The following ARHGAP5 variants were observed in gnomAD, a reference collection of about 807,000 sequenced individuals.
The protein encoded by ARHGAP5 is Rho GTPase activating protein 5, also known as rho GTPase-activating protein 5.
ARHGAP5 carries 23 observed loss-of-function variants against 116.6 expected under a neutral mutation model. The observed-to-expected ratio is 0.20, with a 90% CI of 0.14 to 0.28. ARHGAP5 has a LOEUF of 0.28. Ranked by LOEUF, ARHGAP5 falls within the 10% of genes least tolerant of loss-of-function variation. The pLI, the probability that ARHGAP5 is intolerant of heterozygous loss-of-function variation, is 1.00. For missense variants in ARHGAP5, 1,405 were observed against 1,774.8 expected (o/e 0.79, Z 3.74); for synonymous variants, 574 against 602.0 (o/e 0.95, Z 0.68).
chr14:32,145,613 T>G (rs1012119018), intron 3 of ARHGAP5, among the ~76,000 whole-genome samples: 3 of 152,166 alleles, frequency 2.0e-5, no homozygotes, highest in African/African-American at 7.2e-5. Flanking sequence ...CTTACTGTCA[T>G]GTCGTTCTTC....
chr14:32,082,459 C>G (rs2041786707), intron 1 of ARHGAP5, among the ~76,000 whole-genome samples: 1 of 152,214 alleles, frequency 6.6e-6, no homozygotes, highest in African/African-American at 2.4e-5. Flanking sequence ...TTAAGAAACA[C>G]TGGCTTAATG....
At chr14:32,150,676 C>T (rs1881599778) in intron 5 of ARHGAP5, among the ~76,000 whole-genome samples, 1 of 152,156 alleles carries the variant, frequency 6.6e-6, no homozygotes, top group Non-Finnish European at 1.5e-5. Context: ...GGACAAAACC[C>T]TCATGATATA....
intron 2 of ARHGAP5, among the ~76,000 whole-genome samples, chr14:32,108,215 A>T (rs1879107217): frequency 6.6e-6 from 1 of 152,200 alleles, no homozygotes; most frequent in South Asian, 2.1e-4. Flanking sequence ...TGTAGATGAC[A>T]TTCAAGAAGT....
At chr14:32,109,462 G>T (rs1252286647) in intron 2 of ARHGAP5, among the ~76,000 whole-genome samples, 1 of 151,710 alleles carries the variant, frequency 6.6e-6, no homozygotes, top group Non-Finnish European at 1.5e-5. Flanking sequence ...TATCTCATTC[G>T]CTCGTCTCCC....
chr14:32,115,710 G>T (rs1879531585), intron 2 of ARHGAP5, among the ~76,000 whole-genome samples: 1 of 149,054 alleles, frequency 6.7e-6, no homozygotes, highest in African/African-American at 2.5e-5. Flanking sequence ...TGTGGCTCAT[G>T]CATGTAGTCC....
chr14:32,115,479 C>G (rs1270961332), intron 2 of ARHGAP5, among the ~76,000 whole-genome samples: 3 of 151,326 alleles, frequency 2.0e-5, no homozygotes, highest in African/African-American at 7.3e-5. Context: ...CTGGCCAACA[C>G]GGTGAAACCG....
chr14:32,106,309 C>T (rs758234904), intron 2 of ARHGAP5, among the ~76,000 whole-genome samples: 68 of 152,124 alleles, frequency 4.5e-4, no homozygotes, highest in Middle Eastern at 3.4e-3. Context: ...TTAGTAGAGA[C>T]GGGCTTTCAC....
chr14:32,103,724 T>C (rs1006882969), intron 2 of ARHGAP5, among the ~76,000 whole-genome samples: 4 of 152,166 alleles, frequency 2.6e-5, no homozygotes, highest in African/African-American at 7.2e-5. Context: ...TGCAGTGTTA[T>C]GATTTCTTGC....
At chr14:32,129,183 T>C (rs2383283) in intron 3 of ARHGAP5, among the ~76,000 whole-genome samples, 149,925 of 152,300 alleles carry the variant, frequency 0.98, 73,833 homozygotes, top group Middle Eastern at 1. Flanking sequence ...TGGAAAAACC[T>C]AAGGTGTTTC....
chr14:32,091,682 A>G lies in ARHGAP5; in HGVS notation c.1013A>G (p.Tyr338Cys). 6.2e-7 allele frequency: 1 copy of G among 1,609,770 alleles called. No individual in the cohort carries two copies. Among genetic ancestry groups the G allele is most frequent in the African/African-American group, 1.3e-5 (1 of 74,606 alleles). Residue 338 changes from tyrosine to cysteine, a missense_variant, in exon 2 of 7, where the codon TAT becomes TGT. Physicochemically the swap from Tyr to Cys is radical, Grantham distance 194. This residue lies in a region of ARHGAP5 where 944 missense variants were observed against 1,095.3 expected (regional missense o/e 0.86). Coordinates refer to ENST00000345122, the MANE Select transcript of ARHGAP5 (RefSeq NM_001030055.2). ...QEHIRKRREEYINTLPRAFNT... is the reference protein window; with the variant it reads ...QEHIRKRREECINTLPRAFNT... ...CATATAAGAAAAAGGAGAGAAGAGT[A>G]TATAAATACTTTACCAAGAGCTTTT...
chr14:32,145,690 T>G (rs1054374910), intron 3 of ARHGAP5, among the ~76,000 whole-genome samples: 8 of 152,110 alleles, frequency 5.3e-5, no homozygotes, highest in Admixed American at 1.3e-4. Flanking sequence ...TATGTTTGGT[T>G]TTTTTACATG....
In ARHGAP5 at chr14:32,093,187, A is replaced by G. The variant is rs151030401; in HGVS notation, c.2518A>G (p.Ile840Val). 35 of 1,613,916 alleles carry G rather than the reference A, an allele frequency of 2.2e-5. No homozygotes were observed. The highest frequency in any genetic ancestry group is 1.6e-4 in the Middle Eastern group (1 of 6,070). ...CACAATATTATCATACCACTCTTCAATTGGAGTAAGAAAAGATGAACTAGT... is the reference window on the plus strand; with the variant it reads ...CACAATATTATCATACCACTCTTCAGTTGGAGTAAGAAAAGATGAACTAGT... ...QITILSYHSS[I>V]GVRKDELVHG... Residue 840 changes from isoleucine to valine, a missense_variant, in exon 2 of 7, where the codon ATT becomes GTT. Ile to Val is a conservative substitution (Grantham distance 29). Around this residue, in one of 6 missense-constraint regions of ARHGAP5, gnomAD observed 944 missense variants for 1,095.3 expected, o/e 0.86. Coordinates refer to ENST00000345122, the MANE Select transcript of ARHGAP5 (RefSeq NM_001030055.2).
At chr14:32,132,506 T>C (rs955152991) in intron 3 of ARHGAP5, among the ~76,000 whole-genome samples, 18 of 152,350 alleles carry the variant, frequency 1.2e-4, no homozygotes, top group Non-Finnish European at 8.8e-5. Flanking sequence ...GATGAGTAGG[T>C]TGTGAAAATT....
chr14:32,154,378 A>G, intron 6 of ARHGAP5: 1 of 410,854 alleles, frequency 2.4e-6, no homozygotes, highest in Non-Finnish European at 4.4e-6. Flanking sequence ...CGAACTCCCA[A>G]CCTCAGGTGA....
chr14:32,101,118 C>G (rs962436129), intron 2 of ARHGAP5, among the ~76,000 whole-genome samples: 2 of 151,752 alleles, frequency 1.3e-5, no homozygotes, highest in African/African-American at 4.8e-5. Context: ...GAATATTTTC[C>G]TCCTCTTTAT....
chr14:32,147,206 T>C (rs942119738), intron 4 of ARHGAP5, among the ~76,000 whole-genome samples: 4 of 152,136 alleles, frequency 2.6e-5, no homozygotes, highest in African/African-American at 9.7e-5. Flanking sequence ...ATTTTTATAG[T>C]CTTAGAGTAA....
Position 32,094,180 on chromosome 14 carries a change from A to G in ARHGAP5, c.3511A>G (p.Thr1171Ala). ...TAAAGCCAAGTCATACTATAGAAGA[A>G]CACATTCAGATGCCAGTGATGATGA... is the stretch of plus-strand genomic sequence containing the variant. ...FSKAKSYYRR[T>A]HSDASDDEAF... Residue 1171 changes from threonine (T) to alanine (A), a missense_variant, in exon 2 of 7, where the codon ACA becomes GCA. Coordinates refer to ENST00000345122, the MANE Select transcript of ARHGAP5 (RefSeq NM_001030055.2). The G allele has an allele frequency of 6.2e-7, 1 of 1,612,754 alleles. No individual in the cohort carries two copies. Among genetic ancestry groups the G allele is most frequent in the Non-Finnish European group, 8.5e-7 (1 of 1,179,740 alleles).
chr14:32,141,971 C>T lies in ARHGAP5; in HGVS notation c.3866-4292C>T, dbSNP rs146820489. Among the ~76,000 whole-genome samples the T allele has an allele frequency of 1.1e-3, 165 of 152,206 alleles. 3 individuals are homozygous for T. Among genetic ancestry groups the T allele is most frequent in the African/African-American group, 3.7e-3 (154 of 41,560 alleles). On this transcript the variant is annotated intron_variant, in intron 3 of 6. Transcript: ENST00000345122. ...TCTCTTCAGACTGGATAATCTCAAC[C>T]AGTCTTTAAAAATTCACTGATTACT...
chr14:32,141,261 A>G (rs527927269), intron 3 of ARHGAP5, among the ~76,000 whole-genome samples: 2 of 152,086 alleles, frequency 1.3e-5, no homozygotes, highest in African/African-American at 4.8e-5. Flanking sequence ...TCTTTTATCC[A>G]TTCTACTAAT....
Sources: allele counts gnomAD v4.1 joint callset (sites outside exome capture counted in the v4.1 genomes callset), GRCh38; gene constraint gnomAD v4.1.1; regional missense constraint gnomAD v4.1.1; transcripts MANE v1.5; gene names NCBI Gene and HGNC (gene_info 2026-07-23, HGNC 2026-07-21).